Variants in ANAPC1 observed in about 807,000 individuals in gnomAD.
The protein encoded by ANAPC1 is anaphase-promoting complex subunit 1.
ANAPC1 carries 36 observed loss-of-function variants against 208.0 expected under a neutral mutation model. That is an observed-to-expected ratio of 0.17 (90% CI 0.13 to 0.23). ANAPC1 has a LOEUF of 0.23. Among genes scored for constraint, ANAPC1 ranks in the 10% least tolerant of loss-of-function variants. The probability of loss-of-function intolerance (pLI) is 1.00; values close to 1 mark genes in which losing one functional copy is unlikely to be tolerated. For synonymous variants in ANAPC1, 378 were observed against 695.2 expected, an observed-to-expected ratio of 0.54 and a Z score of 7.18; for missense variants, 942 against 2,011.6, an observed-to-expected ratio of 0.47 and a Z score of 10.17.
chr2:111,772,838 C>A (rs1676815507), intron 46 of ANAPC1, among the ~76,000 whole-genome samples: 1 of 152,176 alleles, frequency 6.6e-6, no homozygotes, highest in African/African-American at 2.4e-5. Context: ...AGCTCCAGAA[C>A]TAGATCCTTA....
intron 21 of ANAPC1, among the ~76,000 whole-genome samples, chr2:111,830,195 G>T (rs1483600962): frequency 1.3e-5 from 2 of 152,218 alleles, no homozygotes; most frequent in Admixed American, 1.3e-4. Flanking sequence ...CAGCCACAAA[G>T]ATCAATGAAC....
intron 5 of ANAPC1, chr2:111,873,021 G>T: frequency 2.2e-6 from 1 of 461,292 alleles, no homozygotes; most frequent in Non-Finnish European, 3.9e-6. Context: ...AAAAAGACTG[G>T]TGTTATTCAT....
In ANAPC1 at chr2:111,843,614, G is replaced by C. The variant is rs763956924; in HGVS notation, c.1853-15C>G. On this transcript the variant is annotated splice_polypyrimidine_tract_variant and intron_variant, in intron 16 of 47. Transcript: ENST00000341068. Reference sequence around the variant, plus strand: ...ACACGTTTGTACTATTAAAAGCAAAGATTAATTTTAGTATTCTTACTCTGC... The same window carrying C: ...ACACGTTTGTACTATTAAAAGCAAACATTAATTTTAGTATTCTTACTCTGC... 3.1e-6 allele frequency: 5 copies of C among 1,593,520 alleles called. No individual in the cohort carries two copies. In the African/African-American group the frequency reaches 6.7e-5, roughly 21 times the overall value.
At chr2:111,824,003 C>T (rs574463691) in intron 24 of ANAPC1, among the ~76,000 whole-genome samples, 2 of 139,716 alleles carry the variant, frequency 1.4e-5, no homozygotes, top group South Asian at 2.5e-4. Flanking sequence ...TTAAATTTAT[C>T]CTCAGGTTAA....
At chr2:111,798,800 C>T (rs1393890386) in intron 34 of ANAPC1, among the ~76,000 whole-genome samples, 32 of 152,072 alleles carry the variant, frequency 2.1e-4, no homozygotes, top group African/African-American at 6.3e-4. Context: ...TTCGGGAGGC[C>T]GAGGCGGGCA....
rs546349155 is a variant in ANAPC1 at position 111,855,868 on chromosome 2, T to A, written c.1515+746A>T. Among the ~76,000 whole-genome samples, 15 of 152,314 alleles carry A rather than the reference T, an allele frequency of 9.8e-5. No individual in the cohort carries two copies. The East Asian group carries it at 2.9e-3, about 29-fold the overall frequency. ...ATTCACTTCATTATTATTATTCAAA[T>A]TGTATGTATTTAAATTTCATAATTT... On this transcript the variant is annotated intron_variant, in intron 13 of 47. Coordinates refer to ENST00000341068, the MANE Select transcript of ANAPC1 (RefSeq NM_022662.4).
At chr2:111,857,713 A>G (rs892409956) in intron 11 of ANAPC1, among the ~76,000 whole-genome samples, 3 of 152,332 alleles carry the variant, frequency 2.0e-5, no homozygotes, top group South Asian at 2.1e-4. Flanking sequence ...ATAAAATCAC[A>G]TATGTCCACA....
intron 17 of ANAPC1, among the ~76,000 whole-genome samples, chr2:111,842,922 T>C (rs1680846637): frequency 1.3e-5 from 2 of 152,170 alleles, no homozygotes. Flanking sequence ...ACAGAGTAGA[T>C]ACTCAGGCTA....
At chr2:111,849,855 A>G (rs58599252) in intron 14 of ANAPC1, among the ~76,000 whole-genome samples, 23,100 of 148,992 alleles carry the variant, frequency 0.16, 1,830 homozygotes, top group Admixed American at 0.18. Context: ...CCAAAACCTC[A>G]TAACTCCTTT....
At chr2:111,811,777 CCA>C (rs1393424657) in intron 28 of ANAPC1, among the ~76,000 whole-genome samples, 1 of 139,104 alleles carries the variant, frequency 7.2e-6, no homozygotes, top group Non-Finnish European at 1.6e-5. Flanking sequence ...ATCTCTTCAA[CCA>C]CAGAGAAGGA....
chr2:111,860,839 G>A (rs998579013), intron 10 of ANAPC1, among the ~76,000 whole-genome samples: 44 of 151,854 alleles, frequency 2.9e-4, no homozygotes, highest in Middle Eastern at 6.8e-3. Flanking sequence ...GAGAATCTAA[G>A]GAATGTTAAA....
At chr2:111,874,981 G>A (rs574380819) in intron 3 of ANAPC1, among the ~76,000 whole-genome samples, 2 of 152,164 alleles carry the variant, frequency 1.3e-5, no homozygotes, top group Admixed American at 6.5e-5. Flanking sequence ...ACCATGCCTG[G>A]CTACACGTGT....
chr2:111,779,452 A>G (rs2104483927), intron 44 of ANAPC1: 1 of 151,482 alleles, frequency 6.6e-6, no homozygotes, highest in South Asian at 2.1e-4. Context: ...AATCACTTTT[A>G]GAAATGAGGA....
chr2:111,867,428 C>A (rs916678977), intron 7 of ANAPC1, among the ~76,000 whole-genome samples: 1 of 148,290 alleles, frequency 6.7e-6, no homozygotes, highest in African/African-American at 2.5e-5. Context: ...CGGTGGCTCA[C>A]CCCTGTAATC....
chr2:111,834,815 T>C lies in ANAPC1; in HGVS notation c.2173A>G (p.Asn725Asp), dbSNP rs745619711. ...YHQNVESHLL[N>D]RSLCLSPSEA... is the part of the protein sequence containing the mutation. Reference sequence around the variant, plus strand: ...GAAGGACTCAGACATAAAGATCTGTTCAAAAGATGAGACTCAACATTCTGG... The same window carrying C: ...GAAGGACTCAGACATAAAGATCTGTCCAAAAGATGAGACTCAACATTCTGG... Residue 725 changes from asparagine (N) to aspartate (D), a missense_variant, in exon 19 of 48, where the codon AAC becomes GAC. Asn to Asp is a conservative substitution (Grantham distance 23). Coordinates refer to ENST00000341068, the MANE Select transcript of ANAPC1 (RefSeq NM_022662.4). The C allele has an allele frequency of 5.6e-6, 9 of 1,610,552 alleles. No individual in the cohort carries two copies. Among genetic ancestry groups the C allele is most frequent in the Admixed American group, 5.0e-5 (3 of 59,682 alleles).
intron 24 of ANAPC1, among the ~76,000 whole-genome samples, chr2:111,824,220 G>T (rs1400654151): frequency 8.0e-6 from 1 of 125,130 alleles, no homozygotes; most frequent in African/African-American, 2.9e-5. Flanking sequence ...AACAGTTATT[G>T]TCATTTTTAA....
intron 3 of ANAPC1, among the ~76,000 whole-genome samples, chr2:111,875,677 G>T (rs1053171134): frequency 3.3e-5 from 5 of 152,030 alleles, no homozygotes; most frequent in Non-Finnish European, 7.4e-5. Flanking sequence ...TCCTTGGCAG[G>T]CTCCCTTCAG....
intron 1 of ANAPC1, among the ~76,000 whole-genome samples, chr2:111,881,553 T>G (rs1683298684): frequency 6.6e-6 from 1 of 150,894 alleles, no homozygotes; most frequent in Non-Finnish European, 1.5e-5. Flanking sequence ...ATTAATCTAA[T>G]TATTAATCTA....
At chr2:111,824,881 A>T in intron 24 of ANAPC1, 85 bp downstream of exon 24, 5 of 1,469,474 alleles carry the variant, frequency 3.4e-6, no homozygotes, top group Non-Finnish European at 4.7e-6. Context: ...TCACAAAGCC[A>T]GAGCCCCTCT....
Sources: gnomAD v4.1 joint callset for allele counts (sites outside exome capture counted in the v4.1 genomes callset) on GRCh38, gnomAD v4.1.1 for gene constraint, MANE v1.5 for transcripts, NCBI Gene and HGNC (gene_info 2026-07-23, HGNC 2026-07-21) for gene names.